The following PRRC2B variants were observed in gnomAD, a reference collection of about 807,000 sequenced individuals.
PRRC2B encodes proline rich coiled-coil 2B.
Under a neutral mutation model 242.3 loss-of-function variants are expected in PRRC2B, and 68 were observed. The observed-to-expected ratio is 0.28, with a 90% confidence interval of 0.23 to 0.34. The LOEUF (loss-of-function observed/expected upper bound fraction) is 0.34, where lower values mean the gene tolerates loss of function less well. Among genes scored for constraint, PRRC2B ranks in the 10% least tolerant of loss-of-function variants. The pLI is 1.00. For missense variants in PRRC2B, 2,835 were observed against 2,954.8 expected (o/e 0.96, Z 0.94); for synonymous variants, 1,228 against 1,173.6 (o/e 1.05, Z -0.95).
chr9:131,491,991 G>C (rs1588284843), intron 29 of PRRC2B, among the ~76,000 whole-genome samples, 178 bp from the exon 30 acceptor site: 1 of 152,352 alleles, frequency 6.6e-6, no homozygotes, highest in East Asian at 1.9e-4. Flanking sequence ...GTACTGGTCT[G>C]TGGGAAAATT....
At chr9:131,444,444 G>T (rs1476622078) in intron 6 of PRRC2B, 116 bp downstream of exon 6, 8 of 1,145,238 alleles carry the variant, frequency 7.0e-6, no homozygotes, top group Non-Finnish European at 8.2e-6. Flanking sequence ...AGCTGGAAAC[G>T]TGGCTCTTTG....
intron 9 of PRRC2B, among the ~76,000 whole-genome samples, chr9:131,453,278 A>G (rs1441051698): frequency 6.6e-6 from 1 of 152,014 alleles, no homozygotes; most frequent in Non-Finnish European, 1.5e-5. Context: ...AAGCTCCTTT[A>G]TGTTTGTATT....
intron 1 of PRRC2B, among the ~76,000 whole-genome samples, chr9:131,415,177 A>G (rs1034264052): frequency 1.3e-5 from 2 of 150,890 alleles, no homozygotes; most frequent in African/African-American, 4.9e-5. Flanking sequence ...TATTTTTAGT[A>G]GAGACGGGGG....
At position 131,482,237 on chromosome 9, in the gene PRRC2B, G is replaced by T; in HGVS notation, c.4984-134G>T. 1 of 988,220 alleles carries T rather than the reference G, an allele frequency of 1.0e-6. No homozygotes were observed. Among genetic ancestry groups the T allele is most frequent in the Non-Finnish European group, 1.5e-6 (1 of 659,524 alleles). 61.2% of individuals were successfully genotyped at this position (988,220 alleles called of 1,614,324 possible). ...GTTGTCAGGCATCCTCAGCAGGGCA[G>T]GATCAAGATCAGGACCAGACTTGGC... On this transcript the variant is annotated intron_variant, in intron 20 of 31. Coordinates refer to ENST00000683519, the MANE Select transcript of PRRC2B (RefSeq NM_013318.4). This position sits in a 1 kb window ranked among gnomAD's most constrained non-coding sequence, Gnocchi z 5.2.
At chr9:131,422,252 A>C (rs1278883428) in intron 1 of PRRC2B, among the ~76,000 whole-genome samples, 1 of 151,942 alleles carries the variant, frequency 6.6e-6, no homozygotes, top group Non-Finnish European at 1.5e-5. Context: ...ACGGGGTTTC[A>C]CCATGTTGGC....
In PRRC2B at chr9:131,459,331, G is replaced by A. The variant is rs757534577; in HGVS notation, c.1379G>A (p.Gly460Asp). The A allele has an allele frequency of 8.7e-5, 140 of 1,613,544 alleles. No individual in the cohort carries two copies. Among genetic ancestry groups the A allele is most frequent in the Non-Finnish European group, 1.1e-4 (124 of 1,179,696 alleles). ...DPQPPPRKLH[G>D]WAPGPDYQKS... ...CAGCCACCGCCCAGGAAGCTTCATG[G>A]CTGGGCACCAGGCCCTGACTACCAG... is the stretch of plus-strand genomic sequence containing the variant. The change falls in exon 11 of 32, where the codon GGC becomes GAC. Residue 460 changes from glycine to aspartate, a missense_variant. By Grantham distance (94) the Gly-to-Asp change is moderately conservative. Coordinates refer to ENST00000683519, the MANE Select transcript of PRRC2B (RefSeq NM_013318.4).
intron 15 of PRRC2B, 42 bp from the exon 16 acceptor site, chr9:131,474,411 CA>C: frequency 6.6e-7 from 1 of 1,521,810 alleles, no homozygotes; most frequent in African/African-American, 1.4e-5. Flanking sequence ...AACCAGGAAC[CA>C]GGCTCCAATC....
chr9:131,415,656 T>G (rs913439524), intron 1 of PRRC2B, among the ~76,000 whole-genome samples: 2 of 152,324 alleles, frequency 1.3e-5, no homozygotes, highest in Middle Eastern at 6.8e-3. Context: ...TGAAAGTCAT[T>G]TCCTAGAGAG....
chr9:131,444,348 G>A lies in PRRC2B; in HGVS notation c.613+20G>A, dbSNP rs1415019515. On this transcript the variant is annotated intron_variant, in intron 6 of 31. Coordinates refer to ENST00000683519, the MANE Select transcript of PRRC2B (RefSeq NM_013318.4). ...CTCAGAGTAAGTGACTGCAGCCTCT[G>A]GGCACTCGATGGAGTAACAGAACTT... 1.2e-6 allele frequency: 2 copies of A among 1,606,524 alleles called. No individual in the cohort carries two copies. The highest frequency in any genetic ancestry group is 3.4e-5 in the Admixed American group (2 of 58,936).
Position 131,413,989 on chromosome 9 carries a change from A to C in PRRC2B, c.-51-16105A>C, listed in dbSNP as rs115138338. Among the ~76,000 whole-genome samples, 329 of 152,348 alleles carry C rather than the reference A, an allele frequency of 2.2e-3. 1 individual carries two copies. The highest frequency in any genetic ancestry group is 7.1e-3 in the African/African-American group (295 of 41,582). ...CGGGCCTTAATCAAAGCATTCTTGA[A>C]GAAAAACAAAGCTGAAGGACATATC... is the stretch of plus-strand genomic sequence containing the variant. On this transcript the variant is annotated intron_variant, in intron 1 of 31. Transcript: ENST00000683519.
Position 131,404,481 on chromosome 9 carries a change from C to T in PRRC2B, c.-52+10218C>T, listed in dbSNP as rs1227984587. On this transcript the variant is annotated intron_variant, in intron 1 of 31. Transcript: ENST00000683519. ...AGGCGAGCCACCCGCCTCAGCCTCC[C>T]AAAGTGCTGGGATTACAGGCGTGAG... 2.0e-5 allele frequency among the ~76,000 whole-genome samples: 3 copies of T among 152,142 alleles called. No individual in the cohort carries two copies. The East Asian group carries it at 5.8e-4, about 29-fold the overall frequency.
At chr9:131,440,835 G>GTGACTC (rs113908609) in intron 5 of PRRC2B, among the ~76,000 whole-genome samples, 2 of 152,128 alleles carry the variant, frequency 1.3e-5, no homozygotes, top group Non-Finnish European at 2.9e-5. Context: ...GTGAGGGCTG[G>GTGACTC]ACACCTGTAA....
At chr9:131,390,476 CT>C (rs10688559), upstream of PRRC2B, among the ~76,000 whole-genome samples, 85 of 41,212 alleles carry the variant, frequency 2.1e-3, no homozygotes, top group African/African-American at 7.1e-3. Flanking sequence ...CCTAGCTTGC[CT>C]TTTTTTTTTT....
intron 10 of PRRC2B, among the ~76,000 whole-genome samples, chr9:131,455,849 G>A (rs1392673797): frequency 4.6e-5 from 7 of 151,960 alleles, no homozygotes; most frequent in Non-Finnish European, 7.4e-5. Flanking sequence ...ACGGCGGCTC[G>A]TGCTGTTAAT....
intron 5 of PRRC2B, among the ~76,000 whole-genome samples, chr9:131,441,980 AT>A (rs56236140): frequency 0.97 from 147,109 of 151,542 alleles, 71,569 homozygotes; most frequent in East Asian, 1. Context: ...TTGGTGTGAG[AT>A]TTTTTTTTTT....
rs374245503 is a variant in PRRC2B, at chr9:131,482,760, C to A, written c.5226C>A (p.Ile1742=). Residue 1742 remains isoleucine (I), a synonymous_variant, in exon 22 of 32, where the codon ATC becomes ATA. Coordinates refer to ENST00000683519, the MANE Select transcript of PRRC2B (RefSeq NM_013318.4). This position sits in a 1 kb window ranked among gnomAD's most constrained non-coding sequence, Gnocchi z 5.2. ...GCAAGGAGCACAGACCAGGACCCAT[C>A]GGCAACGAGCGTTCTCTGAAAAACA... The part of the protein sequence containing the change: ...GQSKEHRPGP[I]GNERSLKNRK... 1 of 1,611,618 alleles carries A rather than the reference C, an allele frequency of 6.2e-7. No homozygotes were observed. Among genetic ancestry groups the A allele is most frequent in the Non-Finnish European group, 8.5e-7 (1 of 1,178,804 alleles).
intron 1 of PRRC2B, among the ~76,000 whole-genome samples, chr9:131,407,732 T>TGATGAAC (rs1348264715): frequency 6.6e-6 from 1 of 152,190 alleles, no homozygotes; most frequent in Non-Finnish European, 1.5e-5. Context: ...TCGGCTGAGT[T>TGATGAAC]GATGAACGTC....
In PRRC2B at chr9:131,439,153, G is replaced by A. The variant is rs1838473312; in HGVS notation, c.469+92G>A. On this transcript the variant is annotated intron_variant, in intron 5 of 31. Coordinates refer to ENST00000683519, the MANE Select transcript of PRRC2B (RefSeq NM_013318.4). ...ATGTCTGGTTGGGTCTAGGCACCCA[G>A]AAGCTTTGAGGACTCTCTTCCACAA... The A allele has an allele frequency of 8.7e-6, 9 of 1,035,636 alleles. No individual in the cohort carries two copies. In the South Asian group the frequency reaches 1.2e-4, roughly 14 times the overall value. The allele number at this position is 1,035,636 out of a possible 1,614,324, so 64.2% of individuals were successfully genotyped here. A position where few individuals can be genotyped will look rare whatever the true frequency, so the allele number is the denominator to read the frequency against.
chr9:131,454,938 G>T, intron 9 of PRRC2B, 138 bp from the exon 10 acceptor site: 2 of 623,294 alleles, frequency 3.2e-6, no homozygotes, highest in African/African-American at 1.9e-5. Context: ...TGGTCAGTCT[G>T]GTCTCAAACT....
Sources: allele counts gnomAD v4.1 joint callset (sites outside exome capture counted in the v4.1 genomes callset), GRCh38; gene constraint gnomAD v4.1.1; non-coding constraint Gnocchi (gnomAD v3.1); transcripts MANE v1.5; gene names NCBI Gene and HGNC (gene_info 2026-07-23, HGNC 2026-07-21).